ARID4B: variants seen among roughly 807,000 people sequenced by gnomAD.
The protein encoded by ARID4B is AT-rich interaction domain 4B.
Under a neutral mutation model 147.5 loss-of-function variants are expected in ARID4B, and 26 were observed. The ratio of observed to expected loss-of-function variants is 0.18; its 90% CI spans 0.13 to 0.24. ARID4B has a LOEUF of 0.24. Ranked by LOEUF, ARID4B falls within the 10% of genes least tolerant of loss-of-function variation. The probability of loss-of-function intolerance (pLI) is 1.00; values close to 1 mark genes in which losing one functional copy is unlikely to be tolerated. For missense variants in ARID4B, 1,179 were observed against 1,511.5 expected, an observed-to-expected ratio of 0.78 and a Z score of 3.65; for synonymous variants, 512 against 507.9, an observed-to-expected ratio of 1.01 and a Z score of -0.11.
chr1:235,287,556 A>C (rs931434991), intron 2 of ARID4B, among the ~76,000 whole-genome samples: 1 of 152,214 alleles, frequency 6.6e-6, no homozygotes, highest in Non-Finnish European at 1.5e-5. Flanking sequence ...CTAAAGTAAT[A>C]AACATGCATC....
chr1:235,303,249 C>G (rs12739707), intron 2 of ARID4B, among the ~76,000 whole-genome samples: 70,716 of 151,838 alleles, frequency 0.47, 16,797 homozygotes, highest in South Asian at 0.6. Flanking sequence ...TAACCAATGA[C>G]GCTGTACTAT....
chr1:235,291,816 A>C (rs745975272), intron 2 of ARID4B, among the ~76,000 whole-genome samples: 2 of 152,378 alleles, frequency 1.3e-5, no homozygotes, highest in East Asian at 3.9e-4. Flanking sequence ...CAGATGTGTT[A>C]AGTGACAAAA....
At chr1:235,272,135 T>G (rs1671032724) in intron 2 of ARID4B, among the ~76,000 whole-genome samples, 1 of 152,172 alleles carries the variant, frequency 6.6e-6, no homozygotes, top group Non-Finnish European at 1.5e-5. Context: ...CAACATGTAT[T>G]AAACACTAAG....
At chr1:235,239,189 C>G (rs541671671) in intron 8 of ARID4B, among the ~76,000 whole-genome samples, 2 of 152,124 alleles carry the variant, frequency 1.3e-5, no homozygotes, top group South Asian at 4.1e-4. Flanking sequence ...CCAGGCTGGT[C>G]TCGAACTCCT....
intron 17 of ARID4B, among the ~76,000 whole-genome samples, chr1:235,201,352 T>C (rs1232022502): frequency 2.6e-5 from 4 of 151,832 alleles, no homozygotes; most frequent in African/African-American, 7.3e-5. Context: ...TTCTTCTTCA[T>C]ACAGAGTCTC....
chr1:235,255,541 A>T (rs1033847666), intron 5 of ARID4B, 119 bp downstream of exon 5: 5 of 593,366 alleles, frequency 8.4e-6, no homozygotes, highest in Non-Finnish European at 1.4e-5. Context: ...GATAAAATCC[A>T]GTAACAGTAA....
At position 235,231,171 on chromosome 1, in the gene ARID4B, T is replaced by C; in HGVS notation, c.684A>G (p.Lys228=). 1 of 1,585,832 alleles carries C rather than the reference T, an allele frequency of 6.3e-7. No individual in the cohort carries two copies. The highest frequency in any genetic ancestry group is 8.6e-7 in the Non-Finnish European group (1 of 1,167,168). Residue 228 remains lysine, a synonymous_variant, in exon 10 of 24, where the codon AAA becomes AAG. Transcript: ENST00000264183. ...TGTCACTAGTAATTTCATGGACATC[T>C]TTTCTTGGAACTGAAGTACTATATA... ...KDGKFTSVPR[K]DVHEITSDTA... is the part of the protein sequence containing the mutation.
intron 9 of ARID4B, among the ~76,000 whole-genome samples, chr1:235,234,156 G>A (rs1269526396): frequency 1.3e-5 from 2 of 152,140 alleles, no homozygotes; most frequent in Non-Finnish European, 2.9e-5. Flanking sequence ...GCTATTATGT[G>A]GACAAGTGTT....
At chr1:235,188,531 G>A (rs1664850387) in intron 19 of ARID4B, among the ~76,000 whole-genome samples, 1 of 152,184 alleles carries the variant, frequency 6.6e-6, no homozygotes, top group Non-Finnish European at 1.5e-5. Context: ...AAGACAGTAG[G>A]AGAGGGCTCC....
At chr1:235,299,049 T>C (rs1558291794) in intron 2 of ARID4B, among the ~76,000 whole-genome samples, 1 of 151,250 alleles carries the variant, frequency 6.6e-6, no homozygotes, top group Non-Finnish European at 1.5e-5. Flanking sequence ...AACCCAGGAG[T>C]TCCAAGCCAG....
intron 6 of ARID4B, among the ~76,000 whole-genome samples, chr1:235,247,743 C>A (rs1437589295): frequency 6.6e-6 from 1 of 152,140 alleles, no homozygotes; most frequent in Non-Finnish European, 1.5e-5. Context: ...AATCCCAGCA[C>A]TTTGGGAGGC....
chr1:235,307,489 G>A (rs1252782988), intron 2 of ARID4B, among the ~76,000 whole-genome samples: 1 of 152,098 alleles, frequency 6.6e-6, no homozygotes, highest in Admixed American at 6.5e-5. Context: ...AAAAGAAAAT[G>A]TTTCAAATGG....
At chr1:235,243,570 C>G (rs985891976) in intron 7 of ARID4B, among the ~76,000 whole-genome samples, 1 of 152,128 alleles carries the variant, frequency 6.6e-6, no homozygotes, top group African/African-American at 2.4e-5. Flanking sequence ...CAGCCAATCA[C>G]TTAAAGCTGA....
At chr1:235,290,213 C>T (rs949867618) in intron 2 of ARID4B, among the ~76,000 whole-genome samples, 1 of 151,918 alleles carries the variant, frequency 6.6e-6, no homozygotes, top group Admixed American at 6.6e-5. Flanking sequence ...AAAATGCAGG[C>T]CGGGCAGATC....
intron 5 of ARID4B, among the ~76,000 whole-genome samples, chr1:235,255,076 T>C (rs10218722): frequency 0.039 from 5,912 of 151,982 alleles, 434 homozygotes; most frequent in African/African-American, 0.14. Flanking sequence ...GGTATCCTAA[T>C]TAAGTACCTA....
intron 17 of ARID4B, among the ~76,000 whole-genome samples, chr1:235,203,209 A>T (rs1320864602): frequency 6.6e-6 from 1 of 152,248 alleles, no homozygotes; most frequent in African/African-American, 2.4e-5. Context: ...TCTAAAAAGA[A>T]AACTTTATGG....
intron 2 of ARID4B, chr1:235,326,676 A>G (rs1675291541): frequency 3.7e-6 from 2 of 540,620 alleles, no homozygotes; most frequent in Admixed American, 6.5e-5. Flanking sequence ...CATTCCCTAC[A>G]AAAAGAGATG....
At chr1:235,247,489 T>C (rs772403451) in intron 6 of ARID4B, among the ~76,000 whole-genome samples, 13 of 152,168 alleles carry the variant, frequency 8.5e-5, no homozygotes, top group Admixed American at 3.9e-4. Flanking sequence ...GTGTTTAAGG[T>C]ACATAGATGT....
At chr1:235,269,253 CAG>C (rs755735359) in intron 2 of ARID4B, among the ~76,000 whole-genome samples, 52 of 152,162 alleles carry the variant, frequency 3.4e-4, no homozygotes, top group Admixed American at 9.2e-4. Context: ...ACAGAACTGA[CAG>C]AGAATCAGCG....
Sources: allele counts gnomAD v4.1 joint callset (sites outside exome capture counted in the v4.1 genomes callset), GRCh38; gene constraint gnomAD v4.1.1; transcripts MANE v1.5; gene names NCBI Gene and HGNC (gene_info 2026-07-23, HGNC 2026-07-21).